Variants in CADPS2 observed in about 807,000 individuals in gnomAD.
CADPS2 encodes calcium dependent secretion activator 2, also known as calcium-dependent secretion activator 2.
Under a neutral mutation model 172.5 loss-of-function variants are expected in CADPS2, and 93 were observed. The observed-to-expected ratio is 0.54, with a 90% CI of 0.46 to 0.64. The LOEUF (loss-of-function observed/expected upper bound fraction) is 0.64, where lower values mean the gene tolerates loss of function less well. Among genes scored for constraint, CADPS2 ranks in the 30% least tolerant of loss-of-function variants. The probability of loss-of-function intolerance (pLI) is 0.00; values close to 1 mark genes in which losing one functional copy is unlikely to be tolerated. For synonymous variants in CADPS2, 546 were observed against 555.2 expected (o/e 0.98, Z 0.23); for missense variants, 1,420 against 1,565.9 (o/e 0.91, Z 1.57).
chr7:122,474,909 T>C (rs1282356979), intron 12 of CADPS2, among the ~76,000 whole-genome samples: 3 of 152,162 alleles, frequency 2.0e-5, no homozygotes, highest in African/African-American at 7.2e-5. Context: ...GCTTTCCAAA[T>C]GGCAAACTAG....
chr7:122,874,761 G>C (rs1352003124), intron 1 of CADPS2, among the ~76,000 whole-genome samples: 1 of 152,136 alleles, frequency 6.6e-6, no homozygotes, highest in Non-Finnish European at 1.5e-5. Context: ...TGACAAACCT[G>C]ACAAAAACAA....
chr7:122,667,559 A>C (rs2135471051), intron 2 of CADPS2, among the ~76,000 whole-genome samples: 1 of 152,332 alleles, frequency 6.6e-6, no homozygotes, highest in Non-Finnish European at 1.5e-5. Context: ...ATGAGAAATG[A>C]ACCAAAGACC....
rs979995383 is a variant in CADPS2, at chr7:122,411,290, G to A, written c.2589+2778C>T. On this transcript the variant is annotated intron_variant, in intron 19 of 29. Transcript: ENST00000449022. The stretch of plus-strand genomic sequence containing the variant: ...GGCTGGAGTGCAGCGGCACAATCTC[G>A]GCTCACTGCAACCTCTGCCTCCCAG... Among the ~76,000 whole-genome samples the A allele has an allele frequency of 7.4e-5, 11 of 149,060 alleles. No homozygotes were observed. The East Asian group carries it at 1.2e-3, about 16-fold the overall frequency.
intron 7 of CADPS2, among the ~76,000 whole-genome samples, chr7:122,562,572 T>C (rs554862501): frequency 6.6e-6 from 1 of 152,286 alleles, no homozygotes; most frequent in East Asian, 1.9e-4. Flanking sequence ...CAAATTTATA[T>C]TGTTTTAAGT....
chr7:122,329,995 TG>T (rs2034639375), intron 28 of CADPS2, among the ~76,000 whole-genome samples: 1 of 152,210 alleles, frequency 6.6e-6, no homozygotes, highest in Non-Finnish European at 1.5e-5. Context: ...GATTATGAAT[TG>T]GTACAACTAG....
At chr7:122,384,673 A>T (rs1340344460) in intron 24 of CADPS2, among the ~76,000 whole-genome samples, 1 of 152,048 alleles carries the variant, frequency 6.6e-6, no homozygotes, top group African/African-American at 2.4e-5. Context: ...GCACATTCTG[A>T]ACTATGTTAA....
chr7:122,432,662 GA>G (rs934971245), intron 17 of CADPS2, among the ~76,000 whole-genome samples: 11 of 124,688 alleles, frequency 8.8e-5, no homozygotes, highest in African/African-American at 3.3e-4. Context: ...AAAAAAAAAA[GA>G]AAAAAAGAAA....
chr7:122,795,538 T>C (rs1373011930), intron 1 of CADPS2, among the ~76,000 whole-genome samples: 3 of 152,130 alleles, frequency 2.0e-5, no homozygotes, highest in Admixed American at 1.3e-4. Context: ...GCTTTTTCCC[T>C]AGGATGCAAA....
chr7:122,360,048 A>C (rs1041420022), intron 27 of CADPS2, among the ~76,000 whole-genome samples: 1 of 152,172 alleles, frequency 6.6e-6, no homozygotes, highest in African/African-American at 2.4e-5. Flanking sequence ...CTTAAATCTT[A>C]ATTTATTTTT....
intron 6 of CADPS2, among the ~76,000 whole-genome samples, chr7:122,593,045 T>C (rs369591821): frequency 6.6e-5 from 10 of 151,782 alleles, no homozygotes; most frequent in Admixed American, 6.6e-5. Context: ...ACTTGAGATA[T>C]CTAAATTGAA....
intron 2 of CADPS2, among the ~76,000 whole-genome samples, chr7:122,691,782 C>G (rs1235159614): frequency 6.6e-6 from 1 of 152,166 alleles, no homozygotes; most frequent in Non-Finnish European, 1.5e-5. Flanking sequence ...AGCAGTCCAG[C>G]AAGTCCGTGA....
chr7:122,532,481 T>G (rs1171461375), intron 8 of CADPS2, among the ~76,000 whole-genome samples: 1 of 152,118 alleles, frequency 6.6e-6, no homozygotes, highest in African/African-American at 2.4e-5. Flanking sequence ...AACAAAAATC[T>G]TACATGGACA....
intron 23 of CADPS2, among the ~76,000 whole-genome samples, chr7:122,388,210 A>G (rs1319875283): frequency 6.6e-6 from 1 of 152,070 alleles, no homozygotes; most frequent in African/African-American, 2.4e-5. Flanking sequence ...GCCATTTCAC[A>G]GCACACAGAC....
At chr7:122,503,858 T>C (rs2059409832) in intron 9 of CADPS2, among the ~76,000 whole-genome samples, 2 of 152,138 alleles carry the variant, frequency 1.3e-5, no homozygotes, top group Non-Finnish European at 2.9e-5. Context: ...AGGAGATAAA[T>C]GAATTGCAAT....
At chr7:122,790,816 G>A (rs1339008785) in intron 1 of CADPS2, among the ~76,000 whole-genome samples, 1 of 152,094 alleles carries the variant, frequency 6.6e-6, no homozygotes, top group African/African-American at 2.4e-5. Context: ...AAAATTCACA[G>A]TCATAAAATC....
intron 2 of CADPS2, among the ~76,000 whole-genome samples, chr7:122,705,411 A>G (rs1046974864): frequency 7.0e-6 from 1 of 142,060 alleles, no homozygotes; most frequent in African/African-American, 2.6e-5. Flanking sequence ...ATTGAAATAT[A>G]TTAGTAGAGA....
At chr7:122,348,930 G>A (rs1269822842) in intron 27 of CADPS2, among the ~76,000 whole-genome samples, 9 of 152,094 alleles carry the variant, frequency 5.9e-5, no homozygotes, top group Middle Eastern at 3.2e-3. Flanking sequence ...ATTATCGCTG[G>A]TTCAATGCTC....
intron 2 of CADPS2, among the ~76,000 whole-genome samples, chr7:122,682,346 C>G (rs964224140): frequency 1.3e-5 from 2 of 152,172 alleles, no homozygotes; most frequent in African/African-American, 4.8e-5. Context: ...AAGATACCAG[C>G]TTTCCACGCC....
At chr7:122,571,857 A>G (rs145452821) in intron 7 of CADPS2, among the ~76,000 whole-genome samples, 136 of 152,292 alleles carry the variant, frequency 8.9e-4, no homozygotes, top group African/African-American at 3.1e-3. Context: ...GTTATCATGG[A>G]ACTTCTAAAA....
Sources: gnomAD v4.1 joint callset for allele counts (sites outside exome capture counted in the v4.1 genomes callset) on GRCh38, gnomAD v4.1.1 for gene constraint, MANE v1.5 for transcripts, NCBI Gene and HGNC (gene_info 2026-07-23, HGNC 2026-07-21) for gene names.